The following ZPBP variants were observed in gnomAD, a reference collection of about 807,000 sequenced individuals.
The protein encoded by ZPBP is zona pellucida binding protein, also known as zona pellucida-binding protein 1.
A neutral mutation model predicts 44.8 loss-of-function variants in ZPBP; 26 were observed. That is an observed-to-expected ratio of 0.58 (90% confidence interval 0.43 to 0.81). ZPBP has a LOEUF of 0.81. ZPBP is among the 30% of genes least tolerant of loss of function. The pLI, the probability that ZPBP is intolerant of heterozygous loss-of-function variation, is 0.00. For synonymous variants in ZPBP, 174 were observed against 153.2 expected (o/e 1.14, Z -1.00); for missense variants, 409 against 434.0 (o/e 0.94, Z 0.51).
chr7:49,980,103 AT>A (rs1350097545), intron 7 of ZPBP, among the ~76,000 whole-genome samples: 9 of 54,134 alleles, frequency 1.7e-4, no homozygotes, highest in South Asian at 5.1e-4. Context: ...ATTATATATA[AT>A]TATAATATAA....
chr7:49,957,306 G>T (rs866249548), intron 7 of ZPBP, among the ~76,000 whole-genome samples: 7 of 152,100 alleles, frequency 4.6e-5, no homozygotes, highest in Non-Finnish European at 7.4e-5. Context: ...TTGAGAAGTG[G>T]GACTGTTGCT....
At chr7:49,941,808 T>C (rs1319086965) in intron 7 of ZPBP, among the ~76,000 whole-genome samples, 4 of 151,888 alleles carry the variant, frequency 2.6e-5, no homozygotes, top group Non-Finnish European at 5.9e-5. Flanking sequence ...ATAGCCAAAA[T>C]ATTGAAAAAG....
At chr7:50,057,598 G>C (rs1340559817) in intron 4 of ZPBP, among the ~76,000 whole-genome samples, 1 of 152,184 alleles carries the variant, frequency 6.6e-6, no homozygotes. Flanking sequence ...CACCAGAAAA[G>C]GAATTTATAG....
intron 7 of ZPBP, among the ~76,000 whole-genome samples, chr7:49,971,047 A>G (rs1207556942): frequency 6.6e-6 from 1 of 151,922 alleles, no homozygotes; most frequent in East Asian, 1.9e-4. Context: ...CCATATCAAT[A>G]AAAAAATTTG....
intron 3 of ZPBP, among the ~76,000 whole-genome samples, chr7:50,065,258 T>G (rs1365334686): frequency 6.6e-6 from 1 of 151,414 alleles, no homozygotes; most frequent in African/African-American, 2.4e-5. Context: ...CCTCATCCAT[T>G]TAGCCAGCAG....
intron 4 of ZPBP, among the ~76,000 whole-genome samples, chr7:50,040,149 G>A (rs1028640286): frequency 6.6e-6 from 1 of 152,092 alleles, no homozygotes; most frequent in African/African-American, 2.4e-5. Flanking sequence ...AACATTAAAT[G>A]TTAATGGATT....
intron 1 of ZPBP, among the ~76,000 whole-genome samples, chr7:49,922,714 A>G (rs1386497495): frequency 6.6e-6 from 1 of 152,206 alleles, no homozygotes; most frequent in African/African-American, 2.4e-5. Context: ...TGGGTATACA[A>G]AGGCGGGTAA....
intron 3 of ZPBP, among the ~76,000 whole-genome samples, chr7:50,075,261 A>T (rs1377767028): frequency 2.0e-5 from 3 of 151,996 alleles, no homozygotes. Context: ...CCTATGGGAT[A>T]CAGCAAAATC....
At chr7:49,888,126 A>C (rs1052419713) in intron 2 of ZPBP, among the ~76,000 whole-genome samples, 4 of 152,252 alleles carry the variant, frequency 2.6e-5, no homozygotes, top group African/African-American at 9.6e-5. Flanking sequence ...TTAGTAGCTC[A>C]AAATTGGCCT....
At chr7:49,923,093 T>C (rs1399222315) in intron 1 of ZPBP, among the ~76,000 whole-genome samples, 2 of 152,028 alleles carry the variant, frequency 1.3e-5, no homozygotes, top group Non-Finnish European at 2.9e-5. Flanking sequence ...GAAGTACAGA[T>C]AGAAAATGCA....
At chr7:49,925,473 T>C (rs1794201743) in intron 1 of ZPBP, among the ~76,000 whole-genome samples, 1 of 152,212 alleles carries the variant, frequency 6.6e-6, no homozygotes, top group Non-Finnish European at 1.5e-5. Flanking sequence ...TGGGTGCATA[T>C]GTCACTCCAT....
chr7:49,846,297 G>C (rs1321043658), downstream of ZPBP, among the ~76,000 whole-genome samples: 2 of 152,090 alleles, frequency 1.3e-5, no homozygotes, highest in Admixed American at 6.6e-5. Context: ...AAATTTGATG[G>C]ACTAAAACAA....
chr7:49,880,130 A>C (rs951258793), intron 2 of ZPBP, among the ~76,000 whole-genome samples: 19 of 152,158 alleles, frequency 1.2e-4, no homozygotes, highest in African/African-American at 4.3e-4. Context: ...TGTTTCATTT[A>C]AAAACTTTTT....
chr7:49,959,106 G>A (rs139664826), intron 7 of ZPBP, among the ~76,000 whole-genome samples: 231 of 151,810 alleles, frequency 1.5e-3, no homozygotes, highest in African/African-American at 5.1e-3. Context: ...TTTTCAAACC[G>A]GCAAAGAACA....
intron 2 of ZPBP, among the ~76,000 whole-genome samples, chr7:49,898,809 G>A (rs965141087): frequency 2.6e-5 from 4 of 151,984 alleles, no homozygotes; most frequent in Admixed American, 6.5e-5. Flanking sequence ...ATACTGCAAA[G>A]TCTAGGGCAA....
intron 3 of ZPBP, among the ~76,000 whole-genome samples, chr7:50,061,438 C>G (rs1216334651): frequency 2.6e-5 from 4 of 152,142 alleles, no homozygotes; most frequent in Admixed American, 2.6e-4. Flanking sequence ...TGGTGGCTCA[C>G]ATCCATAATC....
chr7:49,997,612 G>C (rs772809093), intron 6 of ZPBP, among the ~76,000 whole-genome samples: 2 of 152,128 alleles, frequency 1.3e-5, no homozygotes, highest in Non-Finnish European at 2.9e-5. Flanking sequence ...TTCTTGCATG[G>C]CAACTGCTTC....
intron 4 of ZPBP, among the ~76,000 whole-genome samples, chr7:50,054,708 T>C (rs1034011439): frequency 1.3e-5 from 2 of 152,148 alleles, no homozygotes; most frequent in Non-Finnish European, 2.9e-5. Context: ...ATACCACTTG[T>C]AGTTTATATA....
intron 7 of ZPBP, among the ~76,000 whole-genome samples, chr7:49,958,658 A>G (rs1357559511): frequency 6.6e-6 from 1 of 152,192 alleles, no homozygotes; most frequent in African/African-American, 2.4e-5. Flanking sequence ...TTTCATGACA[A>G]ATTATGGAGT....
Sources: gnomAD v4.1 joint callset for allele counts (sites outside exome capture counted in the v4.1 genomes callset) on GRCh38, gnomAD v4.1.1 for gene constraint, MANE v1.5 for transcripts, NCBI Gene and HGNC (gene_info 2026-07-23, HGNC 2026-07-21) for gene names.